The following NPAS4 variants were observed in gnomAD, a reference collection of about 807,000 sequenced individuals.
NPAS4 encodes neuronal PAS domain protein 4.
NPAS4 carries 10 observed loss-of-function variants against 64.0 expected under a neutral mutation model. That is an observed-to-expected ratio of 0.16 (90% CI 0.10 to 0.26). The LOEUF is 0.26. Among genes scored for constraint, NPAS4 ranks in the 10% least tolerant of loss-of-function variants. NPAS4 has a pLI of 1.00. For synonymous variants in NPAS4, 441 were observed against 411.7 expected, an observed-to-expected ratio of 1.07 and a Z score of -0.86; for missense variants, 886 against 992.6, an observed-to-expected ratio of 0.89 and a Z score of 1.44.
At chr11:66,412,161 A>C in the NPAS4 span, among the ~76,000 whole-genome samples, 1 of 152,206 alleles carries the variant, frequency 6.6e-6, no homozygotes, top group Admixed American at 6.5e-5. Flanking sequence ...TGGGAGCCAC[A>C]AGGGTCTTAA....
the NPAS4 span, among the ~76,000 whole-genome samples, chr11:66,412,936 C>T: frequency 9.2e-5 from 14 of 152,364 alleles, 1 homozygote; most frequent in South Asian, 2.7e-3. Context: ...CCTCCTCAAG[C>T]CTCCTCTTCT....
chr11:66,418,772 G>A (rs1360656916), upstream of NPAS4, among the ~76,000 whole-genome samples: 1 of 152,142 alleles, frequency 6.6e-6, no homozygotes, highest in Non-Finnish European at 1.5e-5. Flanking sequence ...AGAATAAGGG[G>A]ACAGTCAAAG....
At chr11:66,412,516 G>C in the NPAS4 span, among the ~76,000 whole-genome samples, 1 of 152,230 alleles carries the variant, frequency 6.6e-6, no homozygotes, top group Non-Finnish European at 1.5e-5. Context: ...ACCAGCCCCT[G>C]CCGTCTCTGC....
In NPAS4 at chr11:66,425,214, G is replaced by C. The variant is rs757229541; in HGVS notation, c.2324G>C (p.Gly775Ala). ...GGTGTCTCAGCATTCCCCTATGATG[G>C]GTTTACTGATGAGTTGCATCAACTC... ...ETGVSAFPYD[G>A]FTDELHQLQS... Residue 775 changes from glycine to alanine, a missense_variant, in exon 7 of 8, where the codon GGG (glycine) becomes GCG (alanine). Coordinates refer to ENST00000311034, the MANE Select transcript of NPAS4 (RefSeq NM_178864.4). 1.3e-6 allele frequency: 2 copies of C among 1,543,036 alleles called. No homozygotes were observed. Among genetic ancestry groups the C allele is most frequent in the South Asian group, 1.3e-5 (1 of 77,668 alleles).
chr11:66,412,815 C>T, the NPAS4 span, among the ~76,000 whole-genome samples: 7 of 152,180 alleles, frequency 4.6e-5, no homozygotes, highest in Non-Finnish European at 7.3e-5. Flanking sequence ...TCTCCTCCCC[C>T]GCCACCCTCT....
At chr11:66,425,485 T>C (rs1338101217) in intron 7 of NPAS4, among the ~76,000 whole-genome samples, 1 of 152,018 alleles carries the variant, frequency 6.6e-6, no homozygotes, top group Non-Finnish European at 1.5e-5. Flanking sequence ...GGCTGTGGGA[T>C]AGAGTGCTAG....
chr11:66,422,693 C>T lies in NPAS4; in HGVS notation c.450C>T (p.Arg150=). ...ATCTAGATCGCCTCTTCCGCTGCCG[C>T]TTCAACACCTCCAAGTCCCTCAGGC... ...ALDTDRLFRC[R]FNTSKSLRRQ... is the part of the protein sequence containing the mutation. The change falls in exon 4 of 8, where the codon CGC becomes CGT. Residue 150 remains arginine, a synonymous_variant. Transcript: ENST00000311034. 3.1e-6 allele frequency: 5 copies of T among 1,614,040 alleles called. No individual in the cohort carries two copies. Among genetic ancestry groups the T allele is most frequent in the Non-Finnish European group, 4.2e-6 (5 of 1,180,004 alleles).
At chr11:66,417,962 A>G (rs1297526854), upstream of NPAS4, among the ~76,000 whole-genome samples, 2 of 152,158 alleles carry the variant, frequency 1.3e-5, no homozygotes, top group Admixed American at 1.3e-4. Context: ...CACAGGACAC[A>G]CAAACACAGT....
chr11:66,414,854 C>G, the NPAS4 span, among the ~76,000 whole-genome samples: 2 of 152,002 alleles, frequency 1.3e-5, no homozygotes, highest in Non-Finnish European at 2.9e-5. Context: ...AAAAGAACAA[C>G]CTAGAAAAAA....
In NPAS4 at chr11:66,423,766, C is replaced by A; in HGVS notation, c.944+53C>A. On this transcript the variant is annotated intron_variant, in intron 6 of 7. Transcript: ENST00000311034. ...GCAGCTGAGGTCGTCATGGAGGAGA[C>A]ACAAATCAGGGAACTGCTCTGGATA... 3 of 1,610,350 alleles carry A rather than the reference C, an allele frequency of 1.9e-6. No individual in the cohort carries two copies. In the South Asian group the frequency reaches 3.3e-5, roughly 18 times the overall value.
At chr11:66,420,850 C>A (rs947969840), upstream of NPAS4, among the ~76,000 whole-genome samples, 1 of 152,206 alleles carries the variant, frequency 6.6e-6, no homozygotes, top group Non-Finnish European at 1.5e-5. Flanking sequence ...CGCCTCCCTC[C>A]CTCTCTCATT....
the NPAS4 span, among the ~76,000 whole-genome samples, chr11:66,411,850 G>A: frequency 6.6e-6 from 1 of 152,184 alleles, no homozygotes; most frequent in East Asian, 1.9e-4. Flanking sequence ...AATCCCATCA[G>A]TCTTTCCTGG....
chr11:66,413,501 G>C, the NPAS4 span, among the ~76,000 whole-genome samples: 3 of 152,346 alleles, frequency 2.0e-5, no homozygotes, highest in Admixed American at 2.0e-4. Context: ...TCTGCTCAAG[G>C]CTAGGCTTGG....
chr11:66,418,666 G>A (rs1438191907), upstream of NPAS4, among the ~76,000 whole-genome samples: 2 of 151,988 alleles, frequency 1.3e-5, no homozygotes, highest in African/African-American at 4.8e-5. Context: ...AAAAGCCAGG[G>A]GCTCTTCCCC....
In NPAS4 at chr11:66,424,837, C is replaced by T. The variant is rs1856814406; in HGVS notation, c.1947C>T (p.Pro649=). ...AATTGGCTCAGGGCATGGACAGACC[C>T]TTCTCAGCTGAGGCTGGCACTGGCG... The part of the protein sequence containing the change: ...ISQLAQGMDR[P]FSAEAGTGGL... Residue 649 remains proline (P), a synonymous_variant, in exon 7 of 8, where the codon CCC becomes CCT. Transcript: ENST00000311034. 6.2e-7 allele frequency: 1 copy of T among 1,613,302 alleles called. No homozygotes were observed. The highest frequency in any genetic ancestry group is 1.3e-5 in the African/African-American group (1 of 74,940).
In NPAS4 at chr11:66,424,443, C is replaced by A. The variant is rs138952396; in HGVS notation, c.1553C>A (p.Thr518Asn). ...FPDQLLPSTA[T>N]FPEPLGSPAH... ...GACCAGCTGCTTCCCAGCACAGCCA[C>A]CTTCCCAGAGCCTCTGGGCAGCCCT... Residue 518 changes from threonine to asparagine, a missense_variant, in exon 7 of 8, where the codon ACC becomes AAC. Transcript: ENST00000311034. 1.4e-4 allele frequency: 219 copies of A among 1,614,038 alleles called. 1 individual carries two copies. Among genetic ancestry groups the A allele is most frequent in the Admixed American group, 1.1e-3 (69 of 60,002 alleles).
chr11:66,412,864 G>A, the NPAS4 span, among the ~76,000 whole-genome samples: 5 of 152,290 alleles, frequency 3.3e-5, no homozygotes, highest in South Asian at 6.2e-4. Flanking sequence ...GCCTTTCCAC[G>A]TGGACCGTGT....
At chr11:66,413,620 T>C in the NPAS4 span, among the ~76,000 whole-genome samples, 1 of 152,240 alleles carries the variant, frequency 6.6e-6, no homozygotes, top group African/African-American at 2.4e-5. Flanking sequence ...CAGTGGCTTC[T>C]TTTGTGGCTA....
chr11:66,410,434 C>T, the NPAS4 span: 3 of 152,252 alleles, frequency 2.0e-5, no homozygotes, highest in Non-Finnish European at 4.4e-5. Context: ...TTTAACAGAG[C>T]GTCTGCTCCC....
Sources: gnomAD v4.1 joint callset for allele counts (sites outside exome capture counted in the v4.1 genomes callset) on GRCh38, gnomAD v4.1.1 for gene constraint, MANE v1.5 for transcripts, NCBI Gene and HGNC (gene_info 2026-07-23, HGNC 2026-07-21) for gene names.